The following MZF1 variants were observed in gnomAD, a reference collection of about 807,000 sequenced individuals.
MZF1 encodes the protein zinc finger and SCAN domain-containing protein 6.
MZF1 carries 24 observed loss-of-function variants against 28.6 expected under a neutral mutation model. The observed-to-expected ratio is 0.84, with a 90% CI of 0.61 to 1.18. MZF1 has a LOEUF of 1.18. Ranked by LOEUF, MZF1 falls within the 50% of genes most tolerant of loss-of-function variation. MZF1 has a pLI of 0.00. For missense variants in MZF1, 1,166 were observed against 1,026.4 expected (o/e 1.14, Z -1.86); for synonymous variants, 516 against 432.5 (o/e 1.19, Z -2.40).
intron 3 of MZF1, 73 bp from the exon 4 acceptor site, chr19:58,569,659 G>T (rs2054121318): frequency 7.7e-7 from 1 of 1,301,066 alleles, no homozygotes; most frequent in African/African-American, 1.5e-5. Flanking sequence ...GGTGTGCCAG[G>T]TGCTGGGATG....
At chr19:58,569,725 G>A in intron 3 of MZF1, 139 bp from the exon 4 acceptor site, 1 of 684,004 alleles carries the variant, frequency 1.5e-6, no homozygotes, top group Admixed American at 3.0e-5. Context: ...GTGCAGGGTA[G>A]CTGAGGGCCC....
chr19:58,567,690 G>T (rs530133006), intron 5 of MZF1, among the ~76,000 whole-genome samples: 1 of 152,342 alleles, frequency 6.6e-6, no homozygotes, highest in South Asian at 2.1e-4. Flanking sequence ...TCCTTGGGGA[G>T]TGGGGTTCCC....
intron 3 of MZF1, 137 bp downstream of exon 3, chr19:58,570,207 A>C: frequency 1.1e-6 from 1 of 931,560 alleles, no homozygotes. Flanking sequence ...ACTGGGTAGA[A>C]TGTGGGGGCT....
At position 58,563,140 on chromosome 19, in the gene MZF1, C is replaced by T; in HGVS notation, c.1137G>A (p.Thr379=). The T allele has an allele frequency of 1.2e-6, 2 of 1,609,038 alleles. No homozygotes were observed. Among genetic ancestry groups the T allele is most frequent in the South Asian group, 1.1e-5 (1 of 91,028 alleles). Residue 379 remains threonine, a synonymous_variant, in exon 6 of 6, where the codon ACG becomes ACA. Transcript: ENST00000215057. ...SNLLRHQKIH[T]GERPFVCSEC... The stretch of plus-strand genomic sequence containing the variant: ...CGCTGCACACGAATGGTCGCTCACC[C>T]GTGTGGATCTTCTGGTGCCTCAGCA...
chr19:58,562,139 T>A lies in MZF1; in HGVS notation c.2138A>T (p.Asp713Val). 1 of 1,590,666 alleles carries A rather than the reference T, an allele frequency of 6.3e-7. No homozygotes were observed. Residue 713 changes from aspartate (D) to valine (V), a missense_variant, in exon 6 of 6, where the codon GAC becomes GTC. By Grantham distance (152) the Asp-to-Val change is radical. Coordinates refer to ENST00000215057, the MANE Select transcript of MZF1 (RefSeq NM_198055.2). ...HRREKPFACQ[D>V]CGRRFHQSTK... ...GCTCTGGTGGAAGCGGCGGCCACAG[T>A]CCTGGCAGGCGAAGGGCTTCTCTCG...
At position 58,569,532 on chromosome 19, in the gene MZF1, A is replaced by G. The variant is rs1482693134; in HGVS notation, c.635T>C (p.Leu212Pro). 2 of 1,611,460 alleles carry G rather than the reference A, an allele frequency of 1.2e-6. No homozygotes were observed. The highest frequency in any genetic ancestry group is 2.7e-5 in the African/African-American group (2 of 74,870). ...AGGACTTACCTGGGCCTCCTCAGGC[A>G]GGAGGGTGGGTACAGACTCCTGGGT... ...AATQESVPTL[L>P]PEEAQRCGTV... The change falls in exon 4 of 6, where the codon CTG becomes CCG. Residue 212 changes from leucine (L) to proline (P), a missense_variant. Leu to Pro is a moderately conservative substitution (Grantham distance 98). Transcript: ENST00000215057.
rs1195765724 is a variant in MZF1, at chr19:58,563,380, A to G, written c.897T>C (p.Gly299=). ...GGAGCAGAAGCGCATGCGCAAAGCC[A>G]CCTTCGCGGGAGGGTGATTGGATCT... ...SGQIQSPSRE[G]GFAHALLLPS... Residue 299 remains glycine (G), a synonymous_variant, in exon 6 of 6, where the codon GGT becomes GGC. Transcript: ENST00000215057. 3 of 1,604,078 alleles carry G rather than the reference A, an allele frequency of 1.9e-6. No homozygotes were observed. The highest frequency in any genetic ancestry group is 3.4e-5 in the Admixed American group (2 of 58,576).
intron 5 of MZF1, among the ~76,000 whole-genome samples, chr19:58,565,584 G>A (rs1162262165): frequency 6.6e-6 from 1 of 151,806 alleles, no homozygotes; most frequent in African/African-American, 2.4e-5. Context: ...CCAGGCTGGA[G>A]TGTAGTGGCG....
At chr19:58,569,953 C>T (rs1377381591) in intron 3 of MZF1, 1 of 314,816 alleles carries the variant, frequency 3.2e-6, no homozygotes, top group Non-Finnish European at 5.9e-6. Flanking sequence ...GGGGTCATAC[C>T]CCTAACACTA....
Position 58,571,125 on chromosome 19 carries a change from G to A in MZF1, c.265C>T (p.Leu89=). 1 of 1,614,064 alleles carries A rather than the reference G, an allele frequency of 6.2e-7. No individual in the cohort carries two copies. The highest frequency in any genetic ancestry group is 8.5e-7 in the Non-Finnish European group (1 of 1,180,026). The change falls in exon 2 of 6, where the codon CTG becomes TTG. Residue 89 remains leucine, a synonymous_variant. Transcript: ENST00000215057. The part of the protein sequence containing the change: ...SKEQMLELLV[L]EQFLGALPPE... ...GGCAGTGCGCCCAGGAACTGCTCCA[G>A]CACCAACAGCTCCAGCATCTGCTCC...
At chr19:58,571,569 C>A in intron 1 of MZF1, 140 bp from the exon 2 acceptor site, 1 of 777,022 alleles carries the variant, frequency 1.3e-6, no homozygotes, top group South Asian at 1.9e-5. Flanking sequence ...AGGCCATCTA[C>A]AACCCACAGA....
chr19:58,563,261 C>T lies in MZF1; in HGVS notation c.1016G>A (p.Arg339Lys), dbSNP rs752216868. The stretch of plus-strand genomic sequence containing the variant: ...GCTGGGGCGGCCCCGGCTCCGGCCC[C>T]TGGGGGAGCGCCAGCGGGTGGTGAT... ...ALITTRWRSP[R>K]GRSRGRPSTG... Residue 339 changes from arginine (R) to lysine (K), a missense_variant, in exon 6 of 6, where the codon AGG (arginine) becomes AAG (lysine). Physicochemically the swap from Arg to Lys is conservative, Grantham distance 26. Transcript: ENST00000215057. The T allele has an allele frequency of 1.9e-6, 3 of 1,607,330 alleles. No homozygotes were observed. Among genetic ancestry groups the T allele is most frequent in the African/African-American group, 2.7e-5 (2 of 74,830 alleles).
At position 58,570,366 on chromosome 19, in the gene MZF1, C is replaced by CT; in HGVS notation, c.557dup (p.Ser187ValfsTer28). 6.2e-7 allele frequency: 1 copy of CT among 1,613,126 alleles called. No individual in the cohort carries two copies. The highest frequency in any genetic ancestry group is 8.5e-7 in the Non-Finnish European group (1 of 1,179,288). ...CACCTGAGTCCTCTGTAACCTCTGACTCCTCTTTCACCTGCAGGCCCAGTG... is the reference window on the plus strand; with the variant it reads ...CACCTGAGTCCTCTGTAACCTCTGACTTCCTCTTTCACCTGCAGGCCCAGTG... On this transcript the variant is annotated frameshift_variant, in exon 3 of 6. Coordinates refer to ENST00000215057, the MANE Select transcript of MZF1 (RefSeq NM_198055.2). LOFTEE classifies it high-confidence loss of function.
chr19:58,571,586 C>T (rs753829577), intron 1 of MZF1, 157 bp from the exon 2 acceptor site: 14 of 687,168 alleles, frequency 2.0e-5, no homozygotes, highest in Admixed American at 8.9e-5. Flanking sequence ...CAGACTTATG[C>T]AGCTGGAAGC....
intron 5 of MZF1, among the ~76,000 whole-genome samples, chr19:58,565,657 C>T (rs984125067): frequency 6.6e-6 from 1 of 151,784 alleles, no homozygotes; most frequent in Non-Finnish European, 1.5e-5. Context: ...CTCAGCCACC[C>T]GAGTAGATGG....
rs1478660979 is a variant in MZF1, at chr19:58,573,069, G to A, written c.-55C>T. 6.4e-6 allele frequency: 1 copy of A among 155,182 alleles called. No individual in the cohort carries two copies. The highest frequency in any genetic ancestry group is 2.4e-5 in the African/African-American group (1 of 41,454). 9.6% of individuals were successfully genotyped at this position (155,182 alleles called of 1,614,324 possible). A position where few individuals can be genotyped will look rare whatever the true frequency, so the allele number is the denominator to read the frequency against. ...CCCGCCCTCACCTCTGCGCTCAGCG[G>A]GCCGCTCCGCGCTCCTGAGCACGCG... On this transcript the variant is annotated 5_prime_UTR_variant, in exon 1 of 6. Coordinates refer to ENST00000215057, the MANE Select transcript of MZF1 (RefSeq NM_198055.2).
At position 58,569,353 on chromosome 19, in the gene MZF1, A is replaced by C. The variant is rs577144190; in HGVS notation, c.696T>G (p.Thr232=). 6.2e-7 allele frequency: 1 copy of C among 1,613,970 alleles called. No individual in the cohort carries two copies. Among genetic ancestry groups the C allele is most frequent in the African/African-American group, 1.3e-5 (1 of 75,004 alleles). Residue 232 remains threonine, a synonymous_variant, in exon 5 of 6, where the codon ACT becomes ACG. Coordinates refer to ENST00000215057, the MANE Select transcript of MZF1 (RefSeq NM_198055.2). Reference sequence around the variant, plus strand: ...CCCTCCATGAGGGACCCTCAGGCCCAGTCTTGCTGTGGGGAAAGATCTGGT... The same window carrying C: ...CCCTCCATGAGGGACCCTCAGGCCCCGTCTTGCTGTGGGGAAAGATCTGGT... The part of the protein sequence containing the change: ...VLDQIFPHSK[T]GPEGPSWREH...
chr19:58,563,184 A>G lies in MZF1; in HGVS notation c.1093T>C (p.Phe365Leu). Reference sequence around the variant, plus strand: ...CTCAGCAGGTTGCTGCGTTGGCTGAACACCTTGCCACATACATCGCAACGG... The same window carrying G: ...CTCAGCAGGTTGCTGCGTTGGCTGAGCACCTTGCCACATACATCGCAACGG... ...GGRCDVCGKVFSQRSNLLRHQ... is the reference protein window; with the variant it reads ...GGRCDVCGKVLSQRSNLLRHQ... Residue 365 changes from phenylalanine (F) to leucine (L), a missense_variant, in exon 6 of 6, where the codon TTC becomes CTC. Phe to Leu is a conservative substitution (Grantham distance 22). Transcript: ENST00000215057. The G allele has an allele frequency of 6.2e-7, 1 of 1,611,098 alleles. No homozygotes were observed. The highest frequency in any genetic ancestry group is 8.5e-7 in the Non-Finnish European group (1 of 1,179,664).
At position 58,562,603 on chromosome 19, in the gene MZF1, C is replaced by A; in HGVS notation, c.1674G>T (p.Gln558His). 6.3e-7 allele frequency: 1 copy of A among 1,581,418 alleles called. No homozygotes were observed. ...QSFRQRSNLTQHRRIHTGERP... is the reference protein window; with the variant it reads ...QSFRQRSNLTHHRRIHTGERP... ...GCTCCCCGGTGTGGATGCGCCGGTG[C>A]TGCGTCAGGTTGGAGCGCTGCCGGA... The change falls in exon 6 of 6, where the codon CAG becomes CAT. Residue 558 changes from glutamine (Q) to histidine (H), a missense_variant. Transcript: ENST00000215057.
Sources: gnomAD v4.1 joint callset for allele counts (sites outside exome capture counted in the v4.1 genomes callset) on GRCh38, gnomAD v4.1.1 for gene constraint, MANE v1.5 for transcripts, NCBI Gene and HGNC (gene_info 2026-07-23, HGNC 2026-07-21) for gene names.